Variants in PHACTR2 observed in about 807,000 individuals in gnomAD.
The protein encoded by PHACTR2 is chromosome 6 open reading frame 56.
A neutral mutation model predicts 76.0 loss-of-function variants in PHACTR2; 30 were observed. The observed-to-expected ratio is 0.39, with a 90% CI of 0.30 to 0.54. The LOEUF (loss-of-function observed/expected upper bound fraction) is 0.54. Among genes scored for constraint, PHACTR2 ranks in the 20% least tolerant of loss-of-function variants. The pLI is 0.61. For missense variants in PHACTR2, 696 were observed against 781.1 expected (o/e 0.89, Z 1.30); for synonymous variants, 292 against 292.5 (o/e 1.00, Z 0.02).
intron 1 of PHACTR2, among the ~76,000 whole-genome samples, chr6:143,628,532 C>T (rs1303226477): frequency 1.3e-5 from 2 of 152,106 alleles, no homozygotes; most frequent in African/African-American, 4.8e-5. Flanking sequence ...CATCTCAGAC[C>T]TCTGCTCCTG....
At position 143,733,079 on chromosome 6, in the gene PHACTR2, C is replaced by T. The variant is rs1778739941; in HGVS notation, c.215-15906C>T. Among the ~76,000 whole-genome samples the T allele has an allele frequency of 6.6e-6, 1 of 152,072 alleles. No individual in the cohort carries two copies. The highest frequency in any genetic ancestry group is 2.4e-5 in the African/African-American group (1 of 41,490). On this transcript the variant is annotated intron_variant, in intron 2 of 12. Transcript: ENST00000440869. The surrounding 1 kb of genome is among the most constrained non-coding windows in gnomAD (Gnocchi z 4.0). The stretch of plus-strand genomic sequence containing the variant: ...TTAATTTTAAAAAAAAATTTTTTTT[C>T]ATAGAGATGGAGGCTTGCTCAGCTG...
intron 1 of PHACTR2, among the ~76,000 whole-genome samples, chr6:143,544,662 A>G (rs148446412): frequency 6.6e-6 from 1 of 152,342 alleles, no homozygotes; most frequent in Non-Finnish European, 1.5e-5. Context: ...CTGCATTCAA[A>G]TGATGCATGG....
In PHACTR2 at chr6:143,774,236, A is replaced by T; in HGVS notation, c.1589+21A>T. The T allele has an allele frequency of 6.2e-7, 1 of 1,603,266 alleles. No individual in the cohort carries two copies. The highest frequency in any genetic ancestry group is 8.5e-7 in the Non-Finnish European group (1 of 1,170,840). ...GTCAGGTAATTGCTAACATTTTAGG[A>T]CAGTACTGACTAATTTGTATTTTTC... On this transcript the variant is annotated intron_variant, in intron 8 of 12. Transcript: ENST00000440869. This position sits in a 1 kb window ranked among gnomAD's most constrained non-coding sequence, Gnocchi z 5.4.
In PHACTR2 at chr6:143,743,641, G is replaced by A. The variant is rs1778992980; in HGVS notation, c.215-5344G>A. On this transcript the variant is annotated intron_variant, in intron 2 of 12. Transcript: ENST00000440869. This position sits in a 1 kb window ranked among gnomAD's most constrained non-coding sequence, Gnocchi z 5.0. The stretch of plus-strand genomic sequence containing the variant: ...TTCTGACATTCTGTTTTCTGCAACT[G>A]CTATTGAAGAGGGGCAAAGCCGAGC... 6.6e-6 allele frequency among the ~76,000 whole-genome samples: 1 copy of A among 152,178 alleles called. No homozygotes were observed. The highest frequency in any genetic ancestry group is 2.4e-5 in the African/African-American group (1 of 41,440).
At chr6:143,771,140 A>ATG (rs1169694796) in intron 6 of PHACTR2, among the ~76,000 whole-genome samples, 895 of 34,428 alleles carry the variant, frequency 0.026, 36 homozygotes, top group African/African-American at 0.073. Context: ...ACATATATAT[A>ATG]TATGTATATA....
At position 143,743,346 on chromosome 6, in the gene PHACTR2, G is replaced by A. The variant is rs1057131236; in HGVS notation, c.215-5639G>A. Among the ~76,000 whole-genome samples, 6 of 152,188 alleles carry A rather than the reference G, an allele frequency of 3.9e-5. No homozygotes were observed. The highest frequency in any genetic ancestry group is 1.2e-4 in the African/African-American group (5 of 41,446). On this transcript the variant is annotated intron_variant, in intron 2 of 12. Transcript: ENST00000440869. The surrounding 1 kb of genome is among the most constrained non-coding windows in gnomAD (Gnocchi z 5.0). Reference sequence around the variant, plus strand: ...GATGGGAAAAATGGTTCGCTGGGACGGGTTGTAAAGCTTGGCTGCCGTTCC... The same window carrying A: ...GATGGGAAAAATGGTTCGCTGGGACAGGTTGTAAAGCTTGGCTGCCGTTCC...
rs774554226 is a variant in PHACTR2 at position 143,765,585 on chromosome 6, T to C, written c.1019T>C (p.Val340Ala). The stretch of plus-strand genomic sequence containing the variant: ...AAGTCCATGGTCCCTCCACCCCCTG[T>C]GGCTCCAGCACCTTCTCCTCTGGCC... The part of the protein sequence containing the change: ...KFKSMVPPPP[V>A]APAPSPLAPP... Residue 340 changes from valine to alanine, a missense_variant, in exon 6 of 13, where the codon GTG (valine) becomes GCG (alanine). By Grantham distance (64) the Val-to-Ala change is moderately conservative. Coordinates refer to ENST00000440869, the MANE Select transcript of PHACTR2 (RefSeq NM_001100164.2). The surrounding 1 kb of genome is among the most constrained non-coding windows in gnomAD (Gnocchi z 4.1). 1 of 1,614,082 alleles carries C rather than the reference T, an allele frequency of 6.2e-7. No homozygotes were observed. The highest frequency in any genetic ancestry group is 1.3e-5 in the African/African-American group (1 of 75,066).
At chr6:143,711,212 A>G (rs750785548) in intron 1 of PHACTR2, among the ~76,000 whole-genome samples, 5 of 152,170 alleles carry the variant, frequency 3.3e-5, no homozygotes, top group Non-Finnish European at 7.3e-5. Flanking sequence ...CTTTTTTGCC[A>G]TAATTTCAAG....
chr6:143,728,212 CTTTCT>C (rs1778620640), intron 2 of PHACTR2, among the ~76,000 whole-genome samples: 2 of 91,866 alleles, frequency 2.2e-5, no homozygotes, highest in African/African-American at 9.4e-5. Context: ...TTTTTTTTTT[CTTTCT>C]TTTTTTTTTT....
intron 3 of PHACTR2, 88 bp downstream of exon 3, chr6:143,749,153 T>G: frequency 1.4e-6 from 1 of 729,072 alleles, no homozygotes; most frequent in Middle Eastern, 2.8e-4. Context: ...AAAGGGATCA[T>G]GGTCTTTGTA....
Position 143,738,433 on chromosome 6 carries a change from A to C in PHACTR2, c.215-10552A>C, listed in dbSNP as rs1778868123. Among the ~76,000 whole-genome samples the C allele has an allele frequency of 6.6e-6, 1 of 151,934 alleles. No homozygotes were observed. The highest frequency in any genetic ancestry group is 1.5e-5 in the Non-Finnish European group (1 of 67,978). ...ACCTAAAATATAAAGAATTTCAGCC[A>C]CCTTTACCCCAGGGCAATAGAATTA... is the stretch of plus-strand genomic sequence containing the variant. On this transcript the variant is annotated intron_variant, in intron 2 of 12. Transcript: ENST00000440869. The surrounding 1 kb of genome is among the most constrained non-coding windows in gnomAD (Gnocchi z 4.0).
intron 2 of PHACTR2, among the ~76,000 whole-genome samples, chr6:143,747,614 G>C (rs1779094990): frequency 6.6e-6 from 1 of 152,198 alleles, no homozygotes; most frequent in Non-Finnish European, 1.5e-5. Flanking sequence ...CCCAGGAGTA[G>C]GAATCGGGGA....
Position 143,585,232 on chromosome 6 carries a change from T to C in PHACTR2, c.217+48025T>C, listed in dbSNP as rs1024046773. ...TCTGCACCATGAGGCAGCAAGAATA[T>C]GGAGGAAGGGAATTTGAGGTAGAGA... On this transcript the variant is annotated intron_variant, in intron 1 of 11. Transcript: ENST00000367584. The surrounding 1 kb of genome is among the most constrained non-coding windows in gnomAD (Gnocchi z 5.2). Among the ~76,000 whole-genome samples the C allele has an allele frequency of 6.6e-6, 1 of 151,716 alleles. No individual in the cohort carries two copies. Among genetic ancestry groups the C allele is most frequent in the African/African-American group, 2.4e-5 (1 of 41,266 alleles).
At position 143,700,924 on chromosome 6, in the gene PHACTR2, C is replaced by T. The variant is rs1022584941; in HGVS notation, c.47-11092C>T. On this transcript the variant is annotated intron_variant, in intron 1 of 12. Transcript: ENST00000440869. The surrounding 1 kb of genome is among the most constrained non-coding windows in gnomAD (Gnocchi z 4.1). Reference sequence around the variant, plus strand: ...TCTCTGTAGCGACATCTTGCTATTCCTAAGCAGTCATCCTATCTGTTCATA... The same window carrying T: ...TCTCTGTAGCGACATCTTGCTATTCTTAAGCAGTCATCCTATCTGTTCATA... 6.6e-6 allele frequency among the ~76,000 whole-genome samples: 1 copy of T among 152,222 alleles called. No homozygotes were observed. The highest frequency in any genetic ancestry group is 2.4e-5 in the African/African-American group (1 of 41,440).
rs547423570 is a variant in PHACTR2, at chr6:143,709,511, T to C, written c.47-2505T>C. 6.6e-6 allele frequency among the ~76,000 whole-genome samples: 1 copy of C among 152,362 alleles called. No homozygotes were observed. Among genetic ancestry groups the C allele is most frequent in the South Asian group, 2.1e-4 (1 of 4,830 alleles). On this transcript the variant is annotated intron_variant, in intron 1 of 12. Transcript: ENST00000440869. This position sits in a 1 kb window ranked among gnomAD's most constrained non-coding sequence, Gnocchi z 4.4. ...TGGAAACTTGGACATTTTTGTATTA[T>C]GTTATGTGACTCTAGATCTTGTTTG...
rs1775778503 is a variant in PHACTR2, at chr6:143,598,589, A to G, written c.217+61382A>G. 6.6e-6 allele frequency among the ~76,000 whole-genome samples: 1 copy of G among 152,224 alleles called. No homozygotes were observed. ...GAAAGTAAAAGCAGAAGTGTGGGCCAGGGAGGGATCGCAGTCATCTGATGG... is the reference window on the plus strand; with the variant it reads ...GAAAGTAAAAGCAGAAGTGTGGGCCGGGGAGGGATCGCAGTCATCTGATGG... On this transcript the variant is annotated intron_variant, in intron 1 of 11. Coordinates refer to the PHACTR2 transcript ENST00000367584. This position sits in a 1 kb window ranked among gnomAD's most constrained non-coding sequence, Gnocchi z 4.1.
At chr6:143,660,244 CAAA>C (rs11330374) in intron 1 of PHACTR2, among the ~76,000 whole-genome samples, 3 of 115,902 alleles carry the variant, frequency 2.6e-5, no homozygotes, top group Non-Finnish European at 3.8e-5. Context: ...GAGCAATTTA[CAAA>C]AAAAAAAAAA....
chr6:143,773,494 T>C, intron 7 of PHACTR2, among the ~76,000 whole-genome samples: 1 of 150,208 alleles, frequency 6.7e-6, no homozygotes, highest in East Asian at 2.0e-4. Context: ...AGTGATTAAA[T>C]GGCACTTTTT....
rs1779159475 is a variant in PHACTR2, at chr6:143,750,533, A to T, written c.295+1468A>T. ...ATTTTAAAGAAAGTACAAAATGGAA[A>T]ATTTTATGATTGAAACTGTTAATGG... On this transcript the variant is annotated intron_variant, in intron 3 of 12. Coordinates refer to ENST00000440869, the MANE Select transcript of PHACTR2 (RefSeq NM_001100164.2). The surrounding 1 kb of genome is among the most constrained non-coding windows in gnomAD (Gnocchi z 4.6). 6.6e-6 allele frequency among the ~76,000 whole-genome samples: 1 copy of T among 152,246 alleles called. No homozygotes were observed. The highest frequency in any genetic ancestry group is 2.1e-4 in the South Asian group (1 of 4,838).
Sources: gnomAD v4.1 joint callset for allele counts (sites outside exome capture counted in the v4.1 genomes callset) on GRCh38, gnomAD v4.1.1 for gene constraint, Gnocchi (gnomAD v3.1) non-coding constraint, MANE v1.5 for transcripts, NCBI Gene and HGNC (gene_info 2026-07-23, HGNC 2026-07-21) for gene names.